TCF7L2: variants seen among roughly 807,000 people sequenced by gnomAD.
TCF7L2 encodes the protein transcription factor 7 like 2, also known as transcription factor 7-like 2.
TCF7L2 carries 23 observed loss-of-function variants against 77.9 expected under a neutral mutation model. The ratio of observed to expected loss-of-function variants is 0.30; its 90% CI spans 0.21 to 0.42. The LOEUF (loss-of-function observed/expected upper bound fraction) is 0.42. TCF7L2 is among the 10% of genes least tolerant of loss of function. The pLI is 1.00. For synonymous variants in TCF7L2, 413 were observed against 340.2 expected (o/e 1.21, Z -2.36); for missense variants, 654 against 793.1 (o/e 0.82, Z 2.11).
At chr10:113,084,920 A>AG (rs2059680413) in intron 5 of TCF7L2, among the ~76,000 whole-genome samples, 2 of 151,840 alleles carry the variant, frequency 1.3e-5, no homozygotes, top group African/African-American at 4.8e-5. Context: ...CAAAAAAAAA[A>AG]AACAAAAAAC....
intron 4 of TCF7L2, among the ~76,000 whole-genome samples, chr10:112,967,552 G>A (rs962071043): frequency 1.3e-5 from 2 of 151,988 alleles, no homozygotes; most frequent in African/African-American, 4.8e-5. Context: ...AGCTCCCCTT[G>A]GTTTTGAAAA....
At chr10:113,129,806 A>G in intron 5 of TCF7L2, 1 of 1,288,400 alleles carries the variant, frequency 7.8e-7, no homozygotes, top group Non-Finnish European at 1.0e-6. Context: ...GCCCAGTCCC[A>G]TCTCGAAGGT....
chr10:112,984,396 C>T (rs1015695206), intron 4 of TCF7L2, among the ~76,000 whole-genome samples: 2 of 152,102 alleles, frequency 1.3e-5, no homozygotes, highest in African/African-American at 2.4e-5. Context: ...CCCTCCTTTA[C>T]TCTAATTTGT....
intron 5 of TCF7L2, chr10:113,089,648 G>A: frequency 7.2e-7 from 1 of 1,381,356 alleles, no homozygotes; most frequent in Non-Finnish European, 9.7e-7. Flanking sequence ...TGCGATCCCT[G>A]AATTCTTGTT....
At chr10:113,096,552 T>C (rs1185371079) in intron 5 of TCF7L2, among the ~76,000 whole-genome samples, 1 of 152,084 alleles carries the variant, frequency 6.6e-6, no homozygotes, top group African/African-American at 2.4e-5. Context: ...TTCAAACCGG[T>C]TTGCATTAAG....
chr10:113,124,737 T>C (rs1564927054), intron 5 of TCF7L2, among the ~76,000 whole-genome samples: 1 of 151,716 alleles, frequency 6.6e-6, no homozygotes, highest in Non-Finnish European at 1.5e-5. Context: ...TAGAGAAAGT[T>C]CTGTGTTTTA....
In TCF7L2 at chr10:112,978,633, ATTTTTT is replaced by A. The variant is rs988727404; in HGVS notation, c.450+14023_450+14028del. Among the ~76,000 whole-genome samples the A allele has an allele frequency of 2.0e-4, 26 of 126,852 alleles. No homozygotes were observed. The South Asian group carries it at 5.6e-3, about 27-fold the overall frequency. The allele number at this position is 126,852 out of a possible 152,430, so 83.2% of individuals were successfully genotyped here. On this transcript the variant is annotated intron_variant, in intron 4 of 13. Transcript: ENST00000627217. Reference sequence around the variant, plus strand: ...AGGCACCTGCCACCACGCCTGGCTAATTTTTTTTTTTTTTTTTTTGTATTTTTAGTA... The same window carrying A: ...AGGCACCTGCCACCACGCCTGGCTAATTTTTTTTTTTTTGTATTTTTAGTA...
chr10:112,956,355 T>A (rs2033608017), intron 3 of TCF7L2, among the ~76,000 whole-genome samples: 1 of 135,782 alleles, frequency 7.4e-6, no homozygotes, highest in South Asian at 2.4e-4. Context: ...TTTTTTTTTT[T>A]TTTTTTTTTT....
At chr10:112,987,069 G>A (rs565316495) in intron 4 of TCF7L2, among the ~76,000 whole-genome samples, 1 of 152,168 alleles carries the variant, frequency 6.6e-6, no homozygotes, top group African/African-American at 2.4e-5. Flanking sequence ...CACTGGAAAC[G>A]ACAACCCGAG....
chr10:112,960,823 G>A (rs2034896944), intron 3 of TCF7L2, among the ~76,000 whole-genome samples: 1 of 151,998 alleles, frequency 6.6e-6, no homozygotes, highest in African/African-American at 2.4e-5. Context: ...GAGTAGCTGG[G>A]ATTATAGGCG....
chr10:113,121,669 C>T (rs7903543), intron 5 of TCF7L2, among the ~76,000 whole-genome samples: 16,332 of 151,936 alleles, frequency 0.11, 2,921 homozygotes, highest in African/African-American at 0.37. Context: ...ATTGGATTTA[C>T]CCCCCTTCTC....
At position 112,950,667 on chromosome 10, in the gene TCF7L2, G is replaced by C. The variant is rs2030712531; in HGVS notation, c.-90G>C. On this transcript the variant is annotated 5_prime_UTR_variant, in exon 1 of 14. Coordinates refer to ENST00000627217, the MANE Select transcript of TCF7L2 (RefSeq NM_001146274.2). ...CGTCTTTTTCTTGCAATATTTTTTGGGGGGGCAAAACTTTTTGGGGGTGAT... is the reference window on the plus strand; with the variant it reads ...CGTCTTTTTCTTGCAATATTTTTTGCGGGGGCAAAACTTTTTGGGGGTGAT... 2.1e-6 allele frequency: 3 copies of C among 1,455,294 alleles called. No individual in the cohort carries two copies. Among genetic ancestry groups the C allele is most frequent in the African/African-American group, 2.9e-5 (2 of 68,616 alleles). The allele number at this position is 1,455,294 out of a possible 1,614,324, so 90.1% of individuals were successfully genotyped here.
intron 4 of TCF7L2, among the ~76,000 whole-genome samples, chr10:112,992,853 C>T (rs1361233776): frequency 6.6e-6 from 1 of 151,908 alleles, no homozygotes; most frequent in Non-Finnish European, 1.5e-5. Context: ...AACCTCCGCC[C>T]TCCGAGTTCA....
chr10:113,146,134 T>C (rs2069344839), intron 8 of TCF7L2, 37 bp downstream of exon 8: 32 of 1,588,768 alleles, frequency 2.0e-5, no homozygotes, highest in Non-Finnish European at 2.8e-5. Context: ...TCCAAGGCCA[T>C]GTGTGACTTC....
chr10:112,998,417 C>T (rs866073411), intron 4 of TCF7L2, among the ~76,000 whole-genome samples: 12 of 152,082 alleles, frequency 7.9e-5, no homozygotes, highest in African/African-American at 2.9e-4. Flanking sequence ...AGGGAGAAAG[C>T]AGGATTGAGC....
intron 4 of TCF7L2, among the ~76,000 whole-genome samples, chr10:112,969,187 A>G (rs2037688561): frequency 6.6e-6 from 1 of 152,160 alleles, no homozygotes; most frequent in South Asian, 2.1e-4. Context: ...AGTTTTATTT[A>G]TCACTGTGGA....
chr10:113,081,241 C>A (rs1181496997), intron 5 of TCF7L2, among the ~76,000 whole-genome samples: 5 of 152,248 alleles, frequency 3.3e-5, no homozygotes, highest in Non-Finnish European at 7.3e-5. Flanking sequence ...AAGTCCTGAT[C>A]AGACCCTCTT....
At chr10:112,982,033 G>A (rs531350094) in intron 4 of TCF7L2, among the ~76,000 whole-genome samples, 22 of 152,268 alleles carry the variant, frequency 1.4e-4, no homozygotes, top group African/African-American at 3.6e-4. Flanking sequence ...TATGTAATAC[G>A]TCTGTGGACT....
intron 4 of TCF7L2, among the ~76,000 whole-genome samples, chr10:112,995,249 T>A (rs954164268): frequency 6.6e-6 from 1 of 152,202 alleles, no homozygotes; most frequent in Non-Finnish European, 1.5e-5. Flanking sequence ...GGGACTGGGC[T>A]AGAGGTGAAG....
Sources: gnomAD v4.1 joint callset for allele counts (sites outside exome capture counted in the v4.1 genomes callset) on GRCh38, gnomAD v4.1.1 for gene constraint, MANE v1.5 for transcripts, NCBI Gene and HGNC (gene_info 2026-07-23, HGNC 2026-07-21) for gene names.